The following CSMD1 variants were observed in gnomAD, a reference collection of about 807,000 sequenced individuals.
The protein encoded by CSMD1 is CUB and Sushi multiple domains 1.
A neutral mutation model predicts 417.5 loss-of-function variants in CSMD1; 213 were observed. That is an observed-to-expected ratio of 0.51 (90% confidence interval 0.46 to 0.57). The LOEUF is 0.57. Ranked by LOEUF, CSMD1 falls within the 20% of genes least tolerant of loss-of-function variation. The pLI, the probability that CSMD1 is intolerant of heterozygous loss-of-function variation, is 0.00. For missense variants in CSMD1, 6,923 were observed against 4,529.7 expected, an observed-to-expected ratio of 1.53 and a Z score of -15.17; for synonymous variants, 2,862 against 1,736.8, an observed-to-expected ratio of 1.65 and a Z score of -16.11.
chr8:3,517,000 C>A (rs1797308206), intron 10 of CSMD1, among the ~76,000 whole-genome samples: 1 of 152,126 alleles, frequency 6.6e-6, no homozygotes, highest in East Asian at 1.9e-4. Context: ...AAACAGGGCA[C>A]TGGTTAGGTG....
chr8:4,169,919 G>C (rs1453115343), intron 3 of CSMD1, among the ~76,000 whole-genome samples: 4 of 149,622 alleles, frequency 2.7e-5, no homozygotes, highest in South Asian at 4.1e-4. Context: ...TATTATTATA[G>C]AACGTAACTC....
chr8:4,189,738 T>C (rs1798901909), intron 3 of CSMD1, among the ~76,000 whole-genome samples: 1 of 152,188 alleles, frequency 6.6e-6, no homozygotes, highest in South Asian at 2.1e-4. Context: ...ACTTTTGACA[T>C]TAGAAATCTT....
chr8:3,110,521 C>T (rs770739126), intron 42 of CSMD1, among the ~76,000 whole-genome samples, 186 bp from the exon 43 acceptor site: 3 of 152,170 alleles, frequency 2.0e-5, no homozygotes, highest in Non-Finnish European at 4.4e-5. Flanking sequence ...AAGAATTATA[C>T]GTCTAAGCTA....
chr8:4,100,857 T>C (rs1156931561), intron 3 of CSMD1, among the ~76,000 whole-genome samples: 1 of 152,122 alleles, frequency 6.6e-6, no homozygotes, highest in Non-Finnish European at 1.5e-5. Flanking sequence ...CTCAGAGACT[T>C]AAAAATATAT....
intron 1 of CSMD1, among the ~76,000 whole-genome samples, chr8:4,943,298 G>A (rs1033654848): frequency 1.5e-4 from 23 of 152,050 alleles, no homozygotes; most frequent in Admixed American, 1.4e-3. Context: ...GATCAAGATC[G>A]TCCTGGCTGA....
chr8:3,838,054 C>T (rs1802822213), intron 5 of CSMD1, among the ~76,000 whole-genome samples: 1 of 152,000 alleles, frequency 6.6e-6, no homozygotes, highest in Non-Finnish European at 1.5e-5. Context: ...ATTAGTGTGA[C>T]TTGGAAACGG....
At chr8:3,238,884 C>A (rs1481611924) in intron 26 of CSMD1, among the ~76,000 whole-genome samples, 7 of 151,898 alleles carry the variant, frequency 4.6e-5, no homozygotes, top group Non-Finnish European at 4.4e-5. Flanking sequence ...ATAGTGTAAA[C>A]CAGCAGTGTA....
chr8:4,733,679 C>G (rs1395596907), intron 1 of CSMD1, among the ~76,000 whole-genome samples: 1 of 152,214 alleles, frequency 6.6e-6, no homozygotes, highest in Non-Finnish European at 1.5e-5. Flanking sequence ...TGTTCACTGA[C>G]TACCTATTTT....
intron 8 of CSMD1, among the ~76,000 whole-genome samples, chr8:3,610,924 G>A (rs767738273): frequency 1.3e-5 from 2 of 151,756 alleles, no homozygotes; most frequent in Non-Finnish European, 2.9e-5. Flanking sequence ...AAAACTGATG[G>A]CGATTTCGCA....
At chr8:3,930,365 A>C (rs1186485450) in intron 5 of CSMD1, among the ~76,000 whole-genome samples, 1 of 150,622 alleles carries the variant, frequency 6.6e-6, no homozygotes, top group African/African-American at 2.4e-5. Flanking sequence ...AATGTATTTT[A>C]TGTTCTTAGC....
intron 23 of CSMD1, among the ~76,000 whole-genome samples, chr8:3,323,143 AGTAG>A (rs2117489347): frequency 6.6e-6 from 1 of 152,262 alleles, no homozygotes; most frequent in African/African-American, 2.4e-5. Context: ...TTGTCTTATT[AGTAG>A]GTTGTATGAT....
At chr8:3,755,683 C>G (rs113213669) in intron 5 of CSMD1, among the ~76,000 whole-genome samples, 3 of 152,118 alleles carry the variant, frequency 2.0e-5, no homozygotes, top group Admixed American at 6.5e-5. Context: ...CATAGTCAAG[C>G]TTTCTGATGT....
intron 3 of CSMD1, among the ~76,000 whole-genome samples, chr8:4,300,109 A>G (rs750487393): frequency 1.3e-5 from 2 of 152,226 alleles, no homozygotes; most frequent in South Asian, 4.1e-4. Context: ...TTTGCTAATT[A>G]GGTAACATCA....
intron 2 of CSMD1, among the ~76,000 whole-genome samples, chr8:4,427,601 G>A (rs182048591): frequency 2.6e-5 from 4 of 152,106 alleles, no homozygotes; most frequent in East Asian, 1.9e-4. Flanking sequence ...AGAGAGACTC[G>A]AAGTAAAAAT....
At chr8:4,492,682 A>G (rs1340555785) in intron 2 of CSMD1, among the ~76,000 whole-genome samples, 5 of 152,168 alleles carry the variant, frequency 3.3e-5, no homozygotes, top group African/African-American at 1.2e-4. Flanking sequence ...TGAAGGTAAA[A>G]GGATTTTTGA....
intron 6 of CSMD1, among the ~76,000 whole-genome samples, chr8:3,724,476 G>T (rs374542723): frequency 6.6e-6 from 1 of 151,986 alleles, no homozygotes; most frequent in African/African-American, 2.4e-5. Context: ...ATTAAGTATT[G>T]GTAGCTATAT....
chr8:4,848,454 G>T (rs923998616), intron 1 of CSMD1, among the ~76,000 whole-genome samples: 1 of 152,168 alleles, frequency 6.6e-6, no homozygotes, highest in Non-Finnish European at 1.5e-5. Context: ...CATTACTCAT[G>T]GGTTTGTTGT....
At chr8:4,364,453 G>C (rs376683040) in intron 3 of CSMD1, among the ~76,000 whole-genome samples, 1 of 152,034 alleles carries the variant, frequency 6.6e-6, no homozygotes, top group African/African-American at 2.4e-5. Flanking sequence ...TTTTTCCAAA[G>C]TAATCTATTT....
At chr8:4,618,711 G>A (rs1002145139) in intron 2 of CSMD1, among the ~76,000 whole-genome samples, 1 of 152,116 alleles carries the variant, frequency 6.6e-6, no homozygotes, top group African/African-American at 2.4e-5. Context: ...AAAACGTGAT[G>A]CATGGACCTT....
Sources: allele counts gnomAD v4.1 joint callset (sites outside exome capture counted in the v4.1 genomes callset), GRCh38; gene constraint gnomAD v4.1.1; transcripts MANE v1.5; gene names NCBI Gene and HGNC (gene_info 2026-07-23, HGNC 2026-07-21).